Variants in TTC7B observed in about 807,000 individuals in gnomAD.
TTC7B encodes tetratricopeptide repeat protein 7B.
In TTC7B, 28 loss-of-function variants were observed where a neutral mutation model predicts 106.8. The ratio of observed to expected loss-of-function variants is 0.26; its 90% CI spans 0.19 to 0.36. TTC7B has a LOEUF of 0.36. TTC7B is among the 10% of genes least tolerant of loss of function. The probability of loss-of-function intolerance (pLI) is 1.00; values close to 1 mark genes in which losing one functional copy is unlikely to be tolerated. For synonymous variants in TTC7B, 405 were observed against 430.6 expected (o/e 0.94, Z 0.74); for missense variants, 862 against 1,076.4 (o/e 0.80, Z 2.79).
At chr14:90,613,642 A>G (rs1892957354) in intron 16 of TTC7B, among the ~76,000 whole-genome samples, 1 of 152,184 alleles carries the variant, frequency 6.6e-6, no homozygotes, top group South Asian at 2.1e-4. Flanking sequence ...TCTGGGACAC[A>G]TCTGCTCAGG....
intron 15 of TTC7B, among the ~76,000 whole-genome samples, chr14:90,621,279 G>A (rs1157211632): frequency 6.7e-6 from 1 of 149,692 alleles, no homozygotes; most frequent in Non-Finnish European, 1.5e-5. Flanking sequence ...AGGCCACGGG[G>A]TACAGCCGGG....
At chr14:90,680,563 T>C (rs376233654) in intron 7 of TTC7B, 28 bp from the exon 8 acceptor site, 6 of 1,571,112 alleles carry the variant, frequency 3.8e-6, no homozygotes, top group Admixed American at 1.7e-5. Context: ...CTGACTTTGA[T>C]ATATGGCAGT....
At chr14:90,612,849 C>T (rs553164088) in intron 16 of TTC7B, among the ~76,000 whole-genome samples, 1 of 152,274 alleles carries the variant, frequency 6.6e-6, no homozygotes, top group East Asian at 1.9e-4. Flanking sequence ...TATCCCTAGG[C>T]TTCTGGTGCA....
At chr14:90,797,768 A>T (rs1198057006) in intron 1 of TTC7B, among the ~76,000 whole-genome samples, 1 of 152,200 alleles carries the variant, frequency 6.6e-6, no homozygotes, top group East Asian at 1.9e-4. Context: ...ACAGATAGGG[A>T]TGTTTACTAC....
chr14:90,643,501 G>T (rs1000875788), intron 15 of TTC7B, among the ~76,000 whole-genome samples: 1 of 152,162 alleles, frequency 6.6e-6, no homozygotes, highest in Non-Finnish European at 1.5e-5. Context: ...TTGGGAAAGA[G>T]TGGATAAAGT....
intron 19 of TTC7B, among the ~76,000 whole-genome samples, chr14:90,558,153 C>T (rs546229954): frequency 6.6e-6 from 1 of 152,392 alleles, no homozygotes. Flanking sequence ...GGAAGGCCAG[C>T]CTCCGTGCCA....
chr14:90,541,290 T>C lies in TTC7B; in HGVS notation c.*78A>G, dbSNP rs145936013. ...GCCTCAGTGTGGCAGATTCATCCCCTTGGGGCGATGGCACAAGCCCTGGTG... is the reference window on the plus strand; with the variant it reads ...GCCTCAGTGTGGCAGATTCATCCCCCTGGGGCGATGGCACAAGCCCTGGTG... On this transcript the variant is annotated 3_prime_UTR_variant, in exon 20 of 20. Coordinates refer to ENST00000328459, the MANE Select transcript of TTC7B (RefSeq NM_001010854.2). 7.1e-4 allele frequency: 964 copies of C among 1,365,556 alleles called. 8 individuals are homozygous for C. The African/African-American group carries it at 0.012, about 18-fold the overall frequency. 84.6% of individuals were successfully genotyped at this position (1,365,556 alleles called of 1,614,324 possible).
intron 4 of TTC7B, among the ~76,000 whole-genome samples, chr14:90,733,823 C>T (rs1057390162): frequency 4.6e-5 from 7 of 152,310 alleles, no homozygotes; most frequent in Admixed American, 2.6e-4. Context: ...ACCTTCACTG[C>T]CCTCATCTAT....
Position 90,539,145 on chromosome 14 carries a change from T to C in TTC7B, c.*2223A>G, listed in dbSNP as rs771683259. 1 of 152,276 alleles carries C rather than the reference T, an allele frequency of 6.6e-6. No homozygotes were observed. Among genetic ancestry groups the C allele is most frequent in the Non-Finnish European group, 1.5e-5 (1 of 68,082 alleles). The allele number at this position is 152,276 out of a possible 1,614,324, so 9.4% of individuals were successfully genotyped here. On this transcript the variant is annotated 3_prime_UTR_variant, in exon 20 of 20. Transcript: ENST00000328459. ...TGGTTGTTAAGGCTGGGCCCATGTG[T>C]CCATCCTTGAGCCATGTGGGTGGAG...
rs1889514433 is a variant in TTC7B at position 90,539,884 on chromosome 14, A to G, written c.*1484T>C. ...CTCAGCTTGAAAGGCAGCAGGAAAG[A>G]GCGACAGCCTTCTCTGTGGCTCCCG... On this transcript the variant is annotated 3_prime_UTR_variant, in exon 20 of 20. Transcript: ENST00000328459. 6.6e-6 allele frequency: 1 copy of G among 152,190 alleles called. No homozygotes were observed. Among genetic ancestry groups the G allele is most frequent in the Non-Finnish European group, 1.5e-5 (1 of 68,042 alleles). The allele number at this position is 152,190 out of a possible 1,614,324, so 9.4% of individuals were successfully genotyped here.
intron 16 of TTC7B, among the ~76,000 whole-genome samples, chr14:90,612,839 T>C (rs1892928820): frequency 6.6e-6 from 1 of 152,194 alleles, no homozygotes; most frequent in South Asian, 2.1e-4. Flanking sequence ...ATAGCCAACT[T>C]ATCCCTAGGC....
Position 90,646,942 on chromosome 14 carries a change from G to C in TTC7B, c.1590+9C>G. ...TGCAGCAAGTATAGGAAACATTAGA[G>C]AAACTGACCTGTCTGGAGATGGCAA... On this transcript the variant is annotated intron_variant, in intron 14 of 19. Transcript: ENST00000328459. The C allele has an allele frequency of 6.2e-7, 1 of 1,613,156 alleles. No individual in the cohort carries two copies.
At chr14:90,616,244 G>A (rs368397167) in intron 16 of TTC7B, among the ~76,000 whole-genome samples, 6 of 152,308 alleles carry the variant, frequency 3.9e-5, no homozygotes, top group Non-Finnish European at 7.3e-5. Flanking sequence ...TAGCTGGTTC[G>A]GAGGCAGACT....
intron 3 of TTC7B, among the ~76,000 whole-genome samples, chr14:90,750,662 C>T (rs1890108021): frequency 6.6e-6 from 1 of 152,208 alleles, no homozygotes; most frequent in Non-Finnish European, 1.5e-5. Flanking sequence ...GGTATGTGGA[C>T]ACTCAAAGTC....
intron 15 of TTC7B, among the ~76,000 whole-genome samples, chr14:90,620,692 G>A (rs564814948): frequency 2.0e-5 from 3 of 152,316 alleles, no homozygotes; most frequent in East Asian, 1.9e-4. Flanking sequence ...GCCCCACAGC[G>A]GGCAGTGGGG....
chr14:90,580,009 C>T (rs1456401831), intron 18 of TTC7B, among the ~76,000 whole-genome samples: 1 of 152,244 alleles, frequency 6.6e-6, no homozygotes, highest in Admixed American at 6.5e-5. Context: ...TCTGGGGCGG[C>T]AGCCACCTGC....
At chr14:90,740,967 C>T (rs1029784936) in intron 4 of TTC7B, among the ~76,000 whole-genome samples, 1 of 152,230 alleles carries the variant, frequency 6.6e-6, no homozygotes, top group Non-Finnish European at 1.5e-5. Context: ...CTGGGAGGCA[C>T]ATGAGTTAAC....
At chr14:90,640,190 T>C (rs1035912755) in intron 15 of TTC7B, among the ~76,000 whole-genome samples, 2 of 152,054 alleles carry the variant, frequency 1.3e-5, no homozygotes, top group African/African-American at 2.4e-5. Flanking sequence ...GAAGGATCCA[T>C]TGAGCTGGGA....
Position 90,529,240 on chromosome 14 carries a change from T to C in TTC7B, c.*12128A>G, listed in dbSNP as rs1357118109. On this transcript the variant is annotated 3_prime_UTR_variant, in exon 20 of 20. Transcript: ENST00000328459. Reference sequence around the variant, plus strand: ...GGGATCTGACTGCATTTTGCATTCATGGGGGCACCGTCTGGCAAGGTGAGC... The same window carrying C: ...GGGATCTGACTGCATTTTGCATTCACGGGGGCACCGTCTGGCAAGGTGAGC... 1.3e-5 allele frequency: 2 copies of C among 152,922 alleles called. No homozygotes were observed. Among genetic ancestry groups the C allele is most frequent in the Non-Finnish European group, 2.9e-5 (2 of 68,560 alleles). 9.5% of individuals were successfully genotyped at this position (152,922 alleles called of 1,614,324 possible).
Sources: allele counts gnomAD v4.1 joint callset (sites outside exome capture counted in the v4.1 genomes callset), GRCh38; gene constraint gnomAD v4.1.1; transcripts MANE v1.5; gene names NCBI Gene and HGNC (gene_info 2026-07-23, HGNC 2026-07-21).